Variants in PRKDC observed in about 807,000 individuals in gnomAD.
PRKDC encodes protein kinase, DNA-activated, catalytic subunit.
A neutral mutation model predicts 486.9 loss-of-function variants in PRKDC; 82 were observed. That is an observed-to-expected ratio of 0.17 (90% CI 0.14 to 0.20). PRKDC has a LOEUF of 0.20. Ranked by LOEUF, PRKDC falls within the 10% of genes least tolerant of loss-of-function variation. The pLI is 1.00. For synonymous variants in PRKDC, 1,895 were observed against 1,837.0 expected (o/e 1.03, Z -0.81); for missense variants, 4,504 against 5,038.2 (o/e 0.89, Z 3.21).
At chr8:47,859,579 C>T (rs762638198) in intron 46 of PRKDC, 32 bp downstream of exon 46, 65 of 1,601,728 alleles carry the variant, frequency 4.1e-5, no homozygotes, top group Non-Finnish European at 5.5e-5. Context: ...CAAACATCGA[C>T]AATATTCTTT....
At chr8:47,858,492 A>G in intron 48 of PRKDC, 24 bp downstream of exon 48, 1 of 1,441,556 alleles carries the variant, frequency 6.9e-7, no homozygotes, top group Non-Finnish European at 9.3e-7. Flanking sequence ...TATTCAAAGA[A>G]TAAAGAAATA....
intron 62 of PRKDC, 76 bp downstream of exon 62, chr8:47,828,092 A>G: frequency 7.1e-7 from 1 of 1,411,800 alleles, no homozygotes; most frequent in Non-Finnish European, 9.7e-7. Context: ...CAACACGGGA[A>G]ACATAGTGAT....
Position 47,782,373 on chromosome 8 carries a change from G to T in PRKDC, c.11396+5C>A, listed in dbSNP as rs748463169. 4 of 1,606,340 alleles carry T rather than the reference G, an allele frequency of 2.5e-6. No individual in the cohort carries two copies. The highest frequency in any genetic ancestry group is 3.4e-6 in the Non-Finnish European group (4 of 1,176,564). ...CCTACTGGCTGGGAGCAGCCTGGCA[G>T]TTACCTGGAGGTCATGGGCACAACG... On this transcript the variant is annotated splice_donor_5th_base_variant and intron_variant, in intron 79 of 85. Transcript: ENST00000314191. This position sits in a 1 kb window ranked among gnomAD's most constrained non-coding sequence, Gnocchi z 4.9.
intron 40 of PRKDC, among the ~76,000 whole-genome samples, chr8:47,867,189 G>A (rs1200795824): frequency 1.3e-5 from 2 of 152,126 alleles, no homozygotes; most frequent in African/African-American, 4.8e-5. Context: ...TATGCTGATA[G>A]GGCGAGATCT....
Position 47,890,263 on chromosome 8 carries a change from T to A in PRKDC, c.4065A>T (p.Gly1355=). ...TTTLLNTSPE[G]WKLLKKDLCN... is the part of the protein sequence containing the mutation. ...AATTAACAGAGCAGCCTACCTTCCATCCTTCCGGGGAGGTGTTTAGCAGAG... is the reference window on the plus strand; with the variant it reads ...AATTAACAGAGCAGCCTACCTTCCAACCTTCCGGGGAGGTGTTTAGCAGAG... Residue 1355 remains glycine, a synonymous_variant, in exon 32 of 86, where the codon GGA becomes GGT. Transcript: ENST00000314191. 1 of 1,609,050 alleles carries A rather than the reference T, an allele frequency of 6.2e-7. No individual in the cohort carries two copies. The highest frequency in any genetic ancestry group is 8.5e-7 in the Non-Finnish European group (1 of 1,178,158).
intron 7 of PRKDC, among the ~76,000 whole-genome samples, chr8:47,949,826 G>A (rs1275215357): frequency 6.6e-6 from 1 of 152,164 alleles, no homozygotes; most frequent in African/African-American, 2.4e-5. Context: ...GATAAGCAAG[G>A]AAGAAGGCAT....
chr8:47,898,395 C>G, intron 29 of PRKDC, 75 bp downstream of exon 29: 3 of 1,190,962 alleles, frequency 2.5e-6, no homozygotes, highest in Non-Finnish European at 2.4e-6. Context: ...CAGATCCATC[C>G]CAGGTTGTCC....
intron 73 of PRKDC, among the ~76,000 whole-genome samples, chr8:47,797,189 C>T (rs1030765611): frequency 6.6e-6 from 1 of 152,184 alleles, no homozygotes; most frequent in Non-Finnish European, 1.5e-5. Flanking sequence ...AGAGAGGCTA[C>T]TGGCTTCACT....
At chr8:47,865,907 G>A (rs1351755353) in intron 40 of PRKDC, among the ~76,000 whole-genome samples, 6 of 152,178 alleles carry the variant, frequency 3.9e-5, no homozygotes, top group African/African-American at 1.4e-4. Context: ...TGTAATCCCA[G>A]CACTTCGGGA....
At chr8:47,886,276 C>T (rs1373897692) in intron 35 of PRKDC, 129 bp from the exon 36 acceptor site, 6 of 639,322 alleles carry the variant, frequency 9.4e-6, no homozygotes, top group Non-Finnish European at 9.9e-6. Context: ...ATATGTGAAG[C>T]CTGGATTCAA....
At chr8:47,899,925 T>C (rs546871788) in intron 28 of PRKDC, among the ~76,000 whole-genome samples, 1 of 152,350 alleles carries the variant, frequency 6.6e-6, no homozygotes, top group South Asian at 2.1e-4. Flanking sequence ...TCATCATGGA[T>C]GAAACAACTC....
chr8:47,787,223 T>C (rs2086806157), intron 76 of PRKDC, among the ~76,000 whole-genome samples: 1 of 152,182 alleles, frequency 6.6e-6, no homozygotes, highest in Non-Finnish European at 1.5e-5. Context: ...ATTAGAAATG[T>C]TTTTACCAAA....
At chr8:47,858,194 C>T (rs940242977) in intron 48 of PRKDC, among the ~76,000 whole-genome samples, 4 of 151,842 alleles carry the variant, frequency 2.6e-5, no homozygotes, top group South Asian at 2.1e-4. Context: ...CTCCACCCCC[C>T]GCTTTTTTTT....
intron 11 of PRKDC, among the ~76,000 whole-genome samples, chr8:47,938,345 A>T (rs1023695547): frequency 1.8e-4 from 27 of 149,600 alleles, no homozygotes; most frequent in Non-Finnish European, 3.4e-4. Flanking sequence ...CGGGAGGTGG[A>T]GGTTGTGGTG....
chr8:47,892,211 A>G (rs928516118), intron 31 of PRKDC, among the ~76,000 whole-genome samples: 1 of 152,208 alleles, frequency 6.6e-6, no homozygotes, highest in Non-Finnish European at 1.5e-5. Flanking sequence ...ACGTACAAAA[A>G]TAAAATTCCA....
At chr8:47,826,393 A>T (rs1286958058) in intron 63 of PRKDC, among the ~76,000 whole-genome samples, 4 of 152,266 alleles carry the variant, frequency 2.6e-5, no homozygotes, top group African/African-American at 9.6e-5. Context: ...TTGGTGAATA[A>T]TACTGAGTCC....
rs144753755 is a variant in PRKDC at position 47,881,207 on chromosome 8, C to T, written c.5067+209G>A. On this transcript the variant is annotated intron_variant, in intron 38 of 85. Transcript: ENST00000314191. ...CTGCTTGGCCTTCCTTGCCTGCTGA[C>T]GGGTGGGTTGACCGCACAGGTGAAA... Among the ~76,000 whole-genome samples, 36 of 152,266 alleles carry T rather than the reference C, an allele frequency of 2.4e-4. No homozygotes were observed. In the East Asian group the frequency reaches 6.6e-3, roughly 28 times the overall value.
intron 37 of PRKDC, 96 bp downstream of exon 37, chr8:47,881,816 C>A: frequency 9.1e-7 from 1 of 1,100,970 alleles, no homozygotes; most frequent in Non-Finnish European, 1.3e-6. Flanking sequence ...TTTGTCAAAC[C>A]AATGAGCTTT....
At chr8:47,894,397 A>T (rs552686065) in intron 30 of PRKDC, among the ~76,000 whole-genome samples, 1 of 152,354 alleles carries the variant, frequency 6.6e-6, no homozygotes, top group East Asian at 1.9e-4. Flanking sequence ...AAATAGTAAG[A>T]TATTTAAATT....
Sources: gnomAD v4.1 joint callset for allele counts (sites outside exome capture counted in the v4.1 genomes callset) on GRCh38, gnomAD v4.1.1 for gene constraint, Gnocchi (gnomAD v3.1) non-coding constraint, MANE v1.5 for transcripts, NCBI Gene and HGNC (gene_info 2026-07-23, HGNC 2026-07-21) for gene names.